The following KIF6 variants were observed in gnomAD, a reference collection of about 807,000 sequenced individuals.
KIF6 encodes the protein kinesin-like protein KIF6.
KIF6 carries 106 observed loss-of-function variants against 112.7 expected under a neutral mutation model. That is an observed-to-expected ratio of 0.94 (90% CI 0.80 to 1.11). The LOEUF (loss-of-function observed/expected upper bound fraction) is 1.11, where lower values mean the gene tolerates loss of function less well. Ranked by LOEUF, KIF6 falls within the 50% of genes least tolerant of loss-of-function variation. KIF6 has a pLI of 0.00. For missense variants in KIF6, 929 were observed against 964.0 expected (o/e 0.96, Z 0.48); for synonymous variants, 339 against 339.9 (o/e 1.00, Z 0.03).
At chr6:39,630,528 A>C (rs1784301792) in intron 5 of KIF6, among the ~76,000 whole-genome samples, 1 of 152,036 alleles carries the variant, frequency 6.6e-6, no homozygotes, top group African/African-American at 2.4e-5. Context: ...TTGTACATTA[A>C]CCTTGTATTC....
rs761536674 is a variant in KIF6 at position 39,345,657 on chromosome 6, A to G, written c.2321+43T>C. Reference sequence around the variant, plus strand: ...CTGGAGATGGAGGCCCACTCCGCCCACTGCAGGGGCTGTCACAGGCATAAC... The same window carrying G: ...CTGGAGATGGAGGCCCACTCCGCCCGCTGCAGGGGCTGTCACAGGCATAAC... On this transcript the variant is annotated intron_variant, in intron 21 of 22. Coordinates refer to ENST00000287152, the MANE Select transcript of KIF6 (RefSeq NM_145027.6). The G allele has an allele frequency of 4.8e-5, 74 of 1,531,096 alleles. No individual in the cohort carries two copies. The East Asian group carries it at 1.5e-3, about 31-fold the overall frequency. 94.8% of individuals were successfully genotyped at this position (1,531,096 alleles called of 1,614,324 possible).
At chr6:39,398,430 A>G (rs1333619082) in intron 15 of KIF6, among the ~76,000 whole-genome samples, 1 of 152,218 alleles carries the variant, frequency 6.6e-6, no homozygotes, top group African/African-American at 2.4e-5. Flanking sequence ...AGGAGACCAA[A>G]CCTTCACATT....
chr6:39,448,873 C>T (rs1772506158), intron 13 of KIF6, among the ~76,000 whole-genome samples: 1 of 152,208 alleles, frequency 6.6e-6, no homozygotes, highest in African/African-American at 2.4e-5. Context: ...ATACCCCAAA[C>T]AGAACTCTTA....
chr6:39,621,998 T>C (rs1783847399), intron 5 of KIF6, among the ~76,000 whole-genome samples: 1 of 152,056 alleles, frequency 6.6e-6, no homozygotes, highest in African/African-American at 2.4e-5. Flanking sequence ...AAACCCCATC[T>C]CTATTAAAAA....
chr6:39,724,497 TCA>T (rs1261542804), intron 1 of KIF6, among the ~76,000 whole-genome samples: 1 of 148,736 alleles, frequency 6.7e-6, no homozygotes. Context: ...GTATCATTGC[TCA>T]GAGTCAGGGC....
intron 13 of KIF6, among the ~76,000 whole-genome samples, chr6:39,453,598 T>C (rs963833580): frequency 5.3e-5 from 8 of 152,252 alleles, no homozygotes; most frequent in Middle Eastern, 3.2e-3. Context: ...TGGCTATTTT[T>C]GTATGTTCCC....
At chr6:39,519,396 A>G (rs1388254310) in intron 13 of KIF6, among the ~76,000 whole-genome samples, 2 of 152,232 alleles carry the variant, frequency 1.3e-5, no homozygotes, top group Non-Finnish European at 2.9e-5. Flanking sequence ...TGAAGAATAA[A>G]TAGGTGGATA....
intron 10 of KIF6, among the ~76,000 whole-genome samples, chr6:39,571,954 T>A (rs1260160450): frequency 1.6e-5 from 2 of 128,740 alleles, no homozygotes; most frequent in African/African-American, 5.8e-5. Flanking sequence ...CCTTTAGAAA[T>A]TTTTCAGCTT....
At chr6:39,346,132 C>CTCTCTCTCT (rs1763766405) in intron 20 of KIF6, among the ~76,000 whole-genome samples, 6 of 26,936 alleles carry the variant, frequency 2.2e-4, no homozygotes, top group African/African-American at 7.4e-4. Flanking sequence ...CCTCCCTCTC[C>CTCTCTCTCT]CTCTCTCTCT....
At chr6:39,652,689 T>C (rs1238945924) in intron 3 of KIF6, among the ~76,000 whole-genome samples, 1 of 152,212 alleles carries the variant, frequency 6.6e-6, no homozygotes, top group Admixed American at 6.5e-5. Flanking sequence ...ATTCTTCCTC[T>C]TTCATTCTCT....
intron 13 of KIF6, among the ~76,000 whole-genome samples, chr6:39,537,059 C>T (rs1167836188): frequency 7.3e-5 from 11 of 151,618 alleles, no homozygotes; most frequent in Admixed American, 1.3e-4. Flanking sequence ...ATTGATGGGA[C>T]GTATCTCAAA....
chr6:39,714,196 T>C (rs1379678168), intron 3 of KIF6, among the ~76,000 whole-genome samples: 22 of 152,176 alleles, frequency 1.4e-4, no homozygotes, highest in Admixed American at 1.4e-3. Context: ...TAGAATTAGC[T>C]AGATATATTA....
chr6:39,414,664 T>C (rs1261187172), intron 15 of KIF6, among the ~76,000 whole-genome samples: 1 of 152,184 alleles, frequency 6.6e-6, no homozygotes, highest in African/African-American at 2.4e-5. Context: ...TGCTCAAAGC[T>C]CCTGAGCTAG....
intron 13 of KIF6, among the ~76,000 whole-genome samples, chr6:39,516,229 T>C: frequency 6.6e-6 from 1 of 152,110 alleles, no homozygotes; most frequent in Middle Eastern, 3.4e-3. Flanking sequence ...ATTTACTGAA[T>C]CTTGAATAAA....
chr6:39,537,509 G>A (rs925153688), intron 13 of KIF6, among the ~76,000 whole-genome samples: 2 of 151,712 alleles, frequency 1.3e-5, no homozygotes, highest in Non-Finnish European at 2.9e-5. Flanking sequence ...CAACTTACAA[G>A]GGATGTGAAG....
intron 3 of KIF6, among the ~76,000 whole-genome samples, chr6:39,663,765 G>GA (rs1308602096): frequency 3.3e-5 from 5 of 151,876 alleles, no homozygotes; most frequent in Non-Finnish European, 5.9e-5. Flanking sequence ...TTTTGTTAAA[G>GA]AAAAAAACAG....
chr6:39,690,307 C>T (rs1788119024), intron 3 of KIF6: 1 of 151,908 alleles, frequency 6.6e-6, no homozygotes, highest in Non-Finnish European at 1.5e-5. Flanking sequence ...GTAACGATGT[C>T]AATGGCACTA....
chr6:39,639,530 G>T, intron 4 of KIF6, 80 bp downstream of exon 4: 1 of 1,149,880 alleles, frequency 8.7e-7, no homozygotes, highest in Non-Finnish European at 1.2e-6. Context: ...TAAAATACAT[G>T]TCATAATAAA....
At chr6:39,705,269 T>C (rs1254409525) in intron 3 of KIF6, among the ~76,000 whole-genome samples, 1 of 152,160 alleles carries the variant, frequency 6.6e-6, no homozygotes, top group African/African-American at 2.4e-5. Flanking sequence ...TGTGCATTTC[T>C]AACAAGTGCC....
Sources: allele counts gnomAD v4.1 joint callset (sites outside exome capture counted in the v4.1 genomes callset), GRCh38; gene constraint gnomAD v4.1.1; transcripts MANE v1.5; gene names NCBI Gene and HGNC (gene_info 2026-07-23, HGNC 2026-07-21).